The following SAFB2 variants were observed in gnomAD, a reference collection of about 807,000 sequenced individuals.
The protein encoded by SAFB2 is scaffold attachment factor B2.
A neutral mutation model predicts 100.6 loss-of-function variants in SAFB2; 32 were observed. The observed-to-expected ratio is 0.32, with a 90% CI of 0.24 to 0.43. SAFB2 has a LOEUF of 0.43. SAFB2 is among the 20% of genes least tolerant of loss of function. SAFB2 has a pLI of 1.00. For synonymous variants in SAFB2, 500 were observed against 439.4 expected, an observed-to-expected ratio of 1.14 and a Z score of -1.72; for missense variants, 1,185 against 1,163.4, an observed-to-expected ratio of 1.02 and a Z score of -0.27.
At chr19:5,597,827 T>C (rs2052564172) in intron 13 of SAFB2, among the ~76,000 whole-genome samples, 1 of 152,184 alleles carries the variant, frequency 6.6e-6, no homozygotes. Context: ...ATCCAAATGT[T>C]CATTTTAAAA....
rs779145188 is a variant in SAFB2, at chr19:5,587,839, C to T, written c.2638+29G>A. ...CCTGGACACATGTGGGGGCCACAGC[C>T]ACCCTCGTCCCTGGAGCCAGCCCCG... On this transcript the variant is annotated intron_variant, in intron 19 of 20. Coordinates refer to ENST00000252542, the MANE Select transcript of SAFB2 (RefSeq NM_014649.3). The surrounding 1 kb of genome is among the most constrained non-coding windows in gnomAD (Gnocchi z 4.9). 5.5e-5 allele frequency: 87 copies of T among 1,590,228 alleles called. No homozygotes were observed. Among genetic ancestry groups the T allele is most frequent in the East Asian group, 4.4e-4 (19 of 43,606 alleles).
intron 15 of SAFB2, among the ~76,000 whole-genome samples, chr19:5,593,269 CCTCT>C (rs1282105062): frequency 3.9e-5 from 6 of 152,174 alleles, no homozygotes; most frequent in Admixed American, 2.6e-4. Flanking sequence ...CCTGAATCTC[CCTCT>C]GAGTTTCTTG....
intron 2 of SAFB2, among the ~76,000 whole-genome samples, chr19:5,617,327 T>C (rs1239595365): frequency 6.6e-6 from 1 of 152,170 alleles, no homozygotes; most frequent in East Asian, 1.9e-4. Flanking sequence ...AGAATCATCC[T>C]GGGTTTTGTG....
At chr19:5,602,508 C>CAAAA in intron 11 of SAFB2, among the ~76,000 whole-genome samples, 1 of 123,748 alleles carries the variant, frequency 8.1e-6, no homozygotes. Context: ...AAAAAAAAAT[C>CAAAA]TTAAGTCCAT....
intron 9 of SAFB2, among the ~76,000 whole-genome samples, chr19:5,605,703 T>C (rs994135157): frequency 3.3e-5 from 5 of 152,168 alleles, no homozygotes; most frequent in African/African-American, 1.2e-4. Context: ...AGCATTGTCT[T>C]CCTGCCTGAA....
In SAFB2 at chr19:5,608,927, A is replaced by G. The variant is rs577862404; in HGVS notation, c.1296+1068T>C. Among the ~76,000 whole-genome samples the G allele has an allele frequency of 2.0e-5, 3 of 151,932 alleles. No homozygotes were observed. In the South Asian group the frequency reaches 6.3e-4, roughly 32 times the overall value. On this transcript the variant is annotated intron_variant, in intron 9 of 20. Transcript: ENST00000252542. ...GCCAGGCATGGTGGTGGGTGCCTGTAATCCCAGCTACTCGAGAAGCTAAGG... is the reference window on the plus strand; with the variant it reads ...GCCAGGCATGGTGGTGGGTGCCTGTGATCCCAGCTACTCGAGAAGCTAAGG...
chr19:5,613,766 G>A (rs2052962527), intron 4 of SAFB2: 3 of 984,778 alleles, frequency 3.0e-6, no homozygotes, highest in South Asian at 4.7e-5. Context: ...TCTGTACTGG[G>A]TGAATGAACG....
chr19:5,589,441 C>T (rs1239717713), intron 18 of SAFB2, among the ~76,000 whole-genome samples: 1 of 151,920 alleles, frequency 6.6e-6, no homozygotes, highest in Non-Finnish European at 1.5e-5. Context: ...AGGGATGGAA[C>T]GGGGGAGCAC....
intron 2 of SAFB2, among the ~76,000 whole-genome samples, chr19:5,619,742 G>A (rs963455150): frequency 1.3e-5 from 2 of 152,036 alleles, no homozygotes; most frequent in African/African-American, 4.8e-5. Flanking sequence ...CTACTCAGGA[G>A]GCTGAGGCAC....
chr19:5,590,216 G>T, intron 18 of SAFB2, 62 bp downstream of exon 18: 2 of 1,378,590 alleles, frequency 1.5e-6, no homozygotes, highest in Non-Finnish European at 1.9e-6. Flanking sequence ...GCCTGGCCAG[G>T]CACCAACCTT....
In SAFB2 at chr19:5,604,951, G is replaced by A. The variant is rs765759085; in HGVS notation, c.1297-15C>T. 140 of 1,610,476 alleles carry A rather than the reference G, an allele frequency of 8.7e-5. No individual in the cohort carries two copies. The East Asian group carries it at 3.1e-3, about 36-fold the overall frequency. Reference sequence around the variant, plus strand: ...GCCCCGACAACCTTCATGAAAAAGGGCACTCTTACTCTCTCATACAAATGA... The same window carrying A: ...GCCCCGACAACCTTCATGAAAAAGGACACTCTTACTCTCTCATACAAATGA... On this transcript the variant is annotated splice_polypyrimidine_tract_variant and intron_variant, in intron 9 of 20. Transcript: ENST00000252542.
At chr19:5,597,380 T>G (rs770183711) in intron 13 of SAFB2, among the ~76,000 whole-genome samples, 1 of 151,474 alleles carries the variant, frequency 6.6e-6, no homozygotes, top group Non-Finnish European at 1.5e-5. Context: ...AGTGAGACAC[T>G]CCCACCCTTT....
chr19:5,616,620 G>T, intron 2 of SAFB2, 134 bp from the exon 3 acceptor site: 18 of 555,070 alleles, frequency 3.2e-5, no homozygotes, highest in South Asian at 4.3e-5. Flanking sequence ...CCTGTCACAC[G>T]TAATTTTGTC....
chr19:5,591,526 C>T lies in SAFB2; in HGVS notation c.2394+222G>A, dbSNP rs182009171. 5 of 501,746 alleles carry T rather than the reference C, an allele frequency of 1.0e-5. No homozygotes were observed. In the Admixed American group the frequency reaches 1.3e-4, roughly 13 times the overall value. 31.1% of individuals were successfully genotyped at this position (501,746 alleles called of 1,614,324 possible). A position where few individuals can be genotyped will look rare whatever the true frequency, so the allele number is the denominator to read the frequency against. ...AACTCCTGACCTTGTGATCCACCCA[C>T]CTCAGCTTCCCAAAGTGCTGGGATT... On this transcript the variant is annotated intron_variant, in intron 17 of 20. Transcript: ENST00000252542.
At chr19:5,605,136 G>A (rs1320784302) in intron 9 of SAFB2, among the ~76,000 whole-genome samples, 200 bp from the exon 10 acceptor site, 1 of 148,208 alleles carries the variant, frequency 6.7e-6, no homozygotes, top group African/African-American at 2.5e-5. Flanking sequence ...AGACAGTTTC[G>A]CTCTGTCACC....
At chr19:5,589,202 A>G (rs1175661680) in intron 18 of SAFB2, among the ~76,000 whole-genome samples, 1 of 152,188 alleles carries the variant, frequency 6.6e-6, no homozygotes, top group Non-Finnish European at 1.5e-5. Context: ...ACCATGGGTG[A>G]GTTTCCCGTT....
At position 5,592,730 on chromosome 19, in the gene SAFB2, G is replaced by A. The variant is rs781441191; in HGVS notation, c.2348+17C>T. 1.9e-6 allele frequency: 3 copies of A among 1,613,412 alleles called. No individual in the cohort carries two copies. The highest frequency in any genetic ancestry group is 2.7e-5 in the African/African-American group (2 of 74,918). On this transcript the variant is annotated intron_variant, in intron 16 of 20. Transcript: ENST00000252542. Reference sequence around the variant, plus strand: ...CCCACAATGACTGTAGCTAAAGGAGGGGACAAGACCACTGACCTGTCGATG... The same window carrying A: ...CCCACAATGACTGTAGCTAAAGGAGAGGACAAGACCACTGACCTGTCGATG...
intron 15 of SAFB2, among the ~76,000 whole-genome samples, chr19:5,593,235 TACTTTCCCTGCCTTCC>T (rs1309275680): frequency 4.6e-5 from 7 of 152,230 alleles, no homozygotes; most frequent in Non-Finnish European, 1.0e-4. Context: ...GCCACACTTT[TACTTTCCCTGCCTTCC>T]ACGGGAGCCT....
intron 18 of SAFB2, among the ~76,000 whole-genome samples, chr19:5,589,232 C>T (rs1357635900): frequency 6.6e-6 from 1 of 152,192 alleles, no homozygotes. Context: ...GAGGTATTTA[C>T]CATAACACCC....
Sources: gnomAD v4.1 joint callset for allele counts (sites outside exome capture counted in the v4.1 genomes callset) on GRCh38, gnomAD v4.1.1 for gene constraint, Gnocchi (gnomAD v3.1) non-coding constraint, MANE v1.5 for transcripts, NCBI Gene and HGNC (gene_info 2026-07-23, HGNC 2026-07-21) for gene names.